ZNF786: variants seen among roughly 807,000 people sequenced by gnomAD.
The protein encoded by ZNF786 is zinc finger protein 786.
Under a neutral mutation model 63.1 loss-of-function variants are expected in ZNF786, and 56 were observed. That is an observed-to-expected ratio of 0.89 (90% CI 0.72 to 1.11). The LOEUF (loss-of-function observed/expected upper bound fraction) is 1.11. Ranked by LOEUF, ZNF786 falls within the 50% of genes least tolerant of loss-of-function variation. ZNF786 has a pLI of 0.00. For synonymous variants in ZNF786, 485 were observed against 406.9 expected, an observed-to-expected ratio of 1.19 and a Z score of -2.31; for missense variants, 1,213 against 1,041.8, an observed-to-expected ratio of 1.16 and a Z score of -2.26.
intron 1 of ZNF786, among the ~76,000 whole-genome samples, chr7:149,086,973 G>C (rs1825749616): frequency 6.6e-6 from 1 of 151,978 alleles, no homozygotes; most frequent in African/African-American, 2.4e-5. Context: ...CTCCCAAGCA[G>C]CTGGGACTAC....
chr7:149,075,526 T>G (rs1404742989), intron 2 of ZNF786, among the ~76,000 whole-genome samples: 1 of 152,114 alleles, frequency 6.6e-6, no homozygotes, highest in African/African-American at 2.4e-5. Flanking sequence ...ATTACAGGCA[T>G]GAGCCACCGC....
At position 149,090,679 on chromosome 7, in the gene ZNF786, G is replaced by T. The variant is rs377100105; in HGVS notation, c.-39C>A. ...CCGCCCGGCCCTGGCAAACCCGACC[G>T]TCTCCGGCGGCTCCGCAGGAACCTG... is the stretch of plus-strand genomic sequence containing the variant. On this transcript the variant is annotated 5_prime_UTR_variant, in exon 1 of 4. Transcript: ENST00000491431. 3 of 1,567,710 alleles carry T rather than the reference G, an allele frequency of 1.9e-6. No individual in the cohort carries two copies. The African/African-American group carries it at 4.1e-5, about 22-fold the overall frequency.
intron 2 of ZNF786, among the ~76,000 whole-genome samples, 174 bp downstream of exon 2, chr7:149,080,417 G>C (rs1825630463): frequency 6.6e-6 from 1 of 152,122 alleles, no homozygotes; most frequent in African/African-American, 2.4e-5. Flanking sequence ...GTCTACCCTT[G>C]AGTAAAGATT....
chr7:149,078,628 G>A (rs1825600538), intron 2 of ZNF786, among the ~76,000 whole-genome samples: 1 of 152,000 alleles, frequency 6.6e-6, no homozygotes. Context: ...AGGCTGCGGT[G>A]AGCCGACATG....
chr7:149,076,343 G>A (rs1202357011), intron 2 of ZNF786, among the ~76,000 whole-genome samples: 2 of 150,736 alleles, frequency 1.3e-5, no homozygotes, highest in Non-Finnish European at 3.0e-5. Context: ...TCGATCTCCC[G>A]ACCTCAGGTG....
Position 149,070,468 on chromosome 7 carries a change from T to C in ZNF786, c.2304A>G (p.Lys768=), listed in dbSNP as rs745869473. 18 of 1,613,912 alleles carry C rather than the reference T, an allele frequency of 1.1e-5. No homozygotes were observed. In the East Asian group the frequency reaches 4.0e-4, roughly 36 times the overall value. Residue 768 remains lysine, a synonymous_variant, in exon 4 of 4, where the codon AAA becomes AAG. Transcript: ENST00000491431. The part of the protein sequence containing the change: ...CPAPNELDIK[K]RLSQLFAMIE... Reference sequence around the variant, plus strand: ...TCATTGCAAACAGTTGGCTGAGCCTTTTCTTAATGTCCAGTTCATTTGGAG... The same window carrying C: ...TCATTGCAAACAGTTGGCTGAGCCTCTTCTTAATGTCCAGTTCATTTGGAG...
At chr7:149,080,862 T>G in intron 1 of ZNF786, 145 bp from the exon 2 acceptor site, 3 of 894,156 alleles carry the variant, frequency 3.4e-6, no homozygotes, top group Non-Finnish European at 3.4e-6. Context: ...TACTCCTTCC[T>G]CTACTCCAAT....
chr7:149,070,868 T>TCGGCCTTCACGC lies in ZNF786; in HGVS notation c.1892_1903dup (p.Ala634_Asp635insGlyValLysAla). Reference sequence around the variant, plus strand: ...GTGCAGCAGCTGGTGGGCCTTCATGTCGGCCTTCACGCGATAGCGCTTGTC... The same window carrying TCGGCCTTCACGC: ...GTGCAGCAGCTGGTGGGCCTTCATGTCGGCCTTCACGCCGGCCTTCACGCGATAGCGCTTGTC... On this transcript the variant is annotated inframe_insertion, in exon 4 of 4. Coordinates refer to ENST00000491431, the MANE Select transcript of ZNF786 (RefSeq NM_152411.4). 1 of 1,612,494 alleles carries TCGGCCTTCACGC rather than the reference T, an allele frequency of 6.2e-7. No homozygotes were observed. The highest frequency in any genetic ancestry group is 8.5e-7 in the Non-Finnish European group (1 of 1,179,618).
intron 1 of ZNF786, among the ~76,000 whole-genome samples, chr7:149,084,854 G>A (rs1392425894): frequency 5.9e-5 from 9 of 152,128 alleles, no homozygotes; most frequent in South Asian, 2.1e-4. Context: ...TCTTCATCAC[G>A]AAATCTTTGC....
At position 149,071,306 on chromosome 7, in the gene ZNF786, C is replaced by G. The variant is rs557442434; in HGVS notation, c.1466G>C (p.Ser489Thr). The change falls in exon 4 of 4, where the codon AGC (serine) becomes ACC (threonine). Residue 489 changes from serine (S) to threonine (T), a missense_variant. Transcript: ENST00000491431. Reference protein sequence around the residue: ...KPFQCPECGLSFRLESMLRAH... With the variant: ...KPFQCPECGLTFRLESMLRAH... ...TCTCAGCATGCTCTCCAGGCGGAAG[C>G]TCAGCCCACACTCTGGGCACTGAAA... 6.2e-7 allele frequency: 1 copy of G among 1,613,366 alleles called. No individual in the cohort carries two copies. Among genetic ancestry groups the G allele is most frequent in the East Asian group, 2.2e-5 (1 of 44,864 alleles).
intron 2 of ZNF786, among the ~76,000 whole-genome samples, chr7:149,079,114 TAAG>T (rs1825611131): frequency 6.6e-6 from 1 of 151,954 alleles, no homozygotes; most frequent in South Asian, 2.1e-4. Context: ...AATGTGGAGA[TAAG>T]AATGAAACGG....
intron 2 of ZNF786, 109 bp from the exon 3 acceptor site, chr7:149,074,647 C>CAA (rs139620006): frequency 2.0e-3 from 1,640 of 809,424 alleles, no homozygotes; most frequent in South Asian, 3.2e-3. Context: ...AACAACATGT[C>CAA]AAAAAAAAAA....
In ZNF786 at chr7:149,090,575, C is replaced by T. The variant is rs1434816480; in HGVS notation, c.18+48G>A. 4 of 1,539,156 alleles carry T rather than the reference C, an allele frequency of 2.6e-6. No homozygotes were observed. The South Asian group carries it at 4.8e-5, about 18-fold the overall frequency. The stretch of plus-strand genomic sequence containing the variant: ...CACGGGCGAGCCCGGAACCCGAGGA[C>T]CCACCACGACCCCGAAACCGGGCGT... On this transcript the variant is annotated intron_variant, in intron 1 of 3. Transcript: ENST00000491431.
intron 1 of ZNF786, among the ~76,000 whole-genome samples, chr7:149,081,761 A>G (rs1242832635): frequency 2.0e-5 from 3 of 152,168 alleles, no homozygotes; most frequent in African/African-American, 7.2e-5. Flanking sequence ...CACAGCAATC[A>G]AGCAAGAGAA....
intron 1 of ZNF786, among the ~76,000 whole-genome samples, chr7:149,082,210 C>T (rs1825663873): frequency 6.6e-6 from 1 of 152,112 alleles, no homozygotes; most frequent in African/African-American, 2.4e-5. Flanking sequence ...GTAGCACTTG[C>T]CCCTTCGCTG....
At chr7:149,084,203 A>C (rs1041150088) in intron 1 of ZNF786, among the ~76,000 whole-genome samples, 1 of 152,034 alleles carries the variant, frequency 6.6e-6, no homozygotes, top group Non-Finnish European at 1.5e-5. Context: ...TCTACTAAAA[A>C]TACAAAAAAT....
At position 149,070,739 on chromosome 7, in the gene ZNF786, C is replaced by T. The variant is rs1477468862; in HGVS notation, c.2033G>A (p.Cys678Tyr). The T allele has an allele frequency of 4.3e-6, 7 of 1,613,650 alleles. No homozygotes were observed. In the Admixed American group the frequency reaches 6.7e-5, roughly 15 times the overall value. Residue 678 changes from cysteine to tyrosine, a missense_variant, in exon 4 of 4, where the codon TGT (cysteine) becomes TAT (tyrosine). Coordinates refer to ENST00000491431, the MANE Select transcript of ZNF786 (RefSeq NM_152411.4). Reference sequence around the variant, plus strand: ...GCGGAAACTCTTGTCACACTTGGGACACTGAAAAGGCTTCTCTCCCGTGTG... The same window carrying T: ...GCGGAAACTCTTGTCACACTTGGGATACTGAAAAGGCTTCTCTCCCGTGTG... ...RTHTGEKPFQ[C>Y]PKCDKSFRLK... is the part of the protein sequence containing the mutation.
chr7:149,071,668 G>A lies in ZNF786; in HGVS notation c.1104C>T (p.Pro368=). 2 of 1,567,320 alleles carry A rather than the reference G, an allele frequency of 1.3e-6. No homozygotes were observed. Among genetic ancestry groups the A allele is most frequent in the Non-Finnish European group, 1.7e-6 (2 of 1,162,460 alleles). ...TEALQHGAEG[P]CSCSECGERS... ...GCTCGCCACACTCCGAGCAGGAGCA[G>A]GGCCCCTCTGCGCCATGCTGCAGCG... Residue 368 remains proline (P), a synonymous_variant, in exon 4 of 4, where the codon CCC becomes CCT. Coordinates refer to ENST00000491431, the MANE Select transcript of ZNF786 (RefSeq NM_152411.4).
At chr7:149,072,514 C>T (rs1825449202) in intron 3 of ZNF786, 41 bp from the exon 4 acceptor site, 3 of 1,510,836 alleles carry the variant, frequency 2.0e-6, no homozygotes, top group African/African-American at 2.8e-5. Flanking sequence ...TTCCTGTCTG[C>T]AGCACTACTA....
Sources: gnomAD v4.1 joint callset for allele counts (sites outside exome capture counted in the v4.1 genomes callset) on GRCh38, gnomAD v4.1.1 for gene constraint, MANE v1.5 for transcripts, NCBI Gene and HGNC (gene_info 2026-07-23, HGNC 2026-07-21) for gene names.